Variants in DNAH9 observed in about 807,000 individuals in gnomAD.
The protein encoded by DNAH9 is dynein axonemal heavy chain 9, also known as DNAH9 variant protein.
In DNAH9, 345 loss-of-function variants were observed where a neutral mutation model predicts 471.6. The ratio of observed to expected loss-of-function variants is 0.73; its 90% CI spans 0.67 to 0.80. DNAH9 has a LOEUF of 0.80. DNAH9 is among the 30% of genes least tolerant of loss of function. The pLI is 0.00. For synonymous variants in DNAH9, 2,093 were observed against 2,123.6 expected (o/e 0.99, Z 0.40); for missense variants, 5,407 against 5,609.2 (o/e 0.96, Z 1.15).
At chr17:11,935,816 A>C (rs1974693802) in intron 65 of DNAH9, among the ~76,000 whole-genome samples, 1 of 152,136 alleles carries the variant, frequency 6.6e-6, no homozygotes, top group African/African-American at 2.4e-5. Flanking sequence ...CATTAAACTT[A>C]AGGGTAAATC....
In DNAH9 at chr17:11,769,542, A is replaced by G. The variant is rs1010745177; in HGVS notation, c.7552+213A>G. On this transcript the variant is annotated intron_variant, in intron 38 of 68. Transcript: ENST00000262442. The stretch of plus-strand genomic sequence containing the variant: ...AGCACTGCTTCTGGTCTTTCTTTCT[A>G]CATTCCTCCCTGGTCTGTTAAATTC... Among the ~76,000 whole-genome samples, 10 of 152,140 alleles carry G rather than the reference A, an allele frequency of 6.6e-5. No individual in the cohort carries two copies. The South Asian group carries it at 2.1e-3, about 32-fold the overall frequency.
intron 61 of DNAH9, among the ~76,000 whole-genome samples, chr17:11,913,718 C>G (rs946540031): frequency 1.3e-4 from 19 of 150,752 alleles, no homozygotes; most frequent in Non-Finnish European, 2.7e-4. Context: ...GGAGGTGGAG[C>G]TTGCAGTGAG....
intron 24 of DNAH9, 49 bp downstream of exon 24, chr17:11,701,296 T>C: frequency 1.3e-6 from 2 of 1,593,674 alleles, no homozygotes; most frequent in Non-Finnish European, 1.7e-6. Flanking sequence ...GCTGTCTTCC[T>C]CCGCAGCCTC....
intron 48 of DNAH9, among the ~76,000 whole-genome samples, chr17:11,833,500 T>TGGAA (rs1970739757): frequency 6.6e-6 from 1 of 152,158 alleles, no homozygotes; most frequent in Non-Finnish European, 1.5e-5. Flanking sequence ...GCGGGCTCAC[T>TGGAA]GGAAGTCTGA....
intron 67 of DNAH9, 24 bp downstream of exon 67, chr17:11,942,509 G>T (rs369169514): frequency 6.2e-7 from 1 of 1,604,230 alleles, no homozygotes; most frequent in Non-Finnish European, 8.5e-7. Context: ...TGTAAGGCAT[G>T]GAGGGGACAT....
intron 17 of DNAH9, among the ~76,000 whole-genome samples, chr17:11,679,157 T>C (rs1301713621): frequency 6.6e-6 from 1 of 152,198 alleles, no homozygotes; most frequent in Non-Finnish European, 1.5e-5. Flanking sequence ...CTTAAGACAG[T>C]TTTTGATTTG....
At chr17:11,889,751 G>T (rs1051199724) in intron 57 of DNAH9, among the ~76,000 whole-genome samples, 1 of 152,214 alleles carries the variant, frequency 6.6e-6, no homozygotes, top group Admixed American at 6.5e-5. Flanking sequence ...CACTATATGT[G>T]CTCATAACCT....
At chr17:11,949,353 T>C (rs1005074072) in intron 67 of DNAH9, among the ~76,000 whole-genome samples, 8 of 152,326 alleles carry the variant, frequency 5.3e-5, no homozygotes, top group Non-Finnish European at 1.2e-4. Context: ...AAGTTTTCTC[T>C]TTGTTGACTC....
intron 57 of DNAH9, 53 bp downstream of exon 57, chr17:11,887,018 G>A (rs75139535): frequency 6.4e-7 from 1 of 1,557,628 alleles, no homozygotes; most frequent in East Asian, 2.3e-5. Flanking sequence ...GTGTAATATT[G>A]CCAATGCAGC....
intron 17 of DNAH9, among the ~76,000 whole-genome samples, chr17:11,673,320 G>T (rs578091079): frequency 8.5e-4 from 130 of 152,254 alleles, no homozygotes; most frequent in African/African-American, 2.8e-3. Flanking sequence ...TTTGAAGCTG[G>T]ATATTCAACC....
At chr17:11,856,543 CAAA>C (rs34782323) in intron 50 of DNAH9, among the ~76,000 whole-genome samples, 3 of 137,062 alleles carry the variant, frequency 2.2e-5, no homozygotes, top group African/African-American at 8.4e-5. Context: ...ACTAAAAATA[CAAA>C]AAAAAAAAAA....
intron 49 of DNAH9, among the ~76,000 whole-genome samples, chr17:11,848,629 C>A (rs1971304125): frequency 6.6e-6 from 1 of 152,004 alleles, no homozygotes; most frequent in African/African-American, 2.4e-5. Flanking sequence ...TACCCTTTGA[C>A]CCGGCAAATC....
At chr17:11,668,056 A>G (rs2073905224) in intron 15 of DNAH9, among the ~76,000 whole-genome samples, 1 of 152,214 alleles carries the variant, frequency 6.6e-6, no homozygotes, top group Admixed American at 6.5e-5. Flanking sequence ...TTAACCATAT[A>G]TCTTGTACCT....
chr17:11,805,944 C>T (rs1357913279), intron 43 of DNAH9, among the ~76,000 whole-genome samples: 4 of 152,108 alleles, frequency 2.6e-5, no homozygotes, highest in Non-Finnish European at 5.9e-5. Flanking sequence ...GTTTCCCAGG[C>T]TCGTCTCAAA....
intron 51 of DNAH9, among the ~76,000 whole-genome samples, chr17:11,869,865 C>T (rs565463166): frequency 6.6e-6 from 1 of 152,214 alleles, no homozygotes; most frequent in African/African-American, 2.4e-5. Flanking sequence ...TTGTTGAGGG[C>T]AGGGCTCAGC....
intron 57 of DNAH9, among the ~76,000 whole-genome samples, chr17:11,891,435 G>A (rs953191260): frequency 3.3e-5 from 5 of 151,994 alleles, no homozygotes; most frequent in East Asian, 1.9e-4. Flanking sequence ...GCACCATCTC[G>A]GCTCACTGCA....
Position 11,913,158 on chromosome 17 carries a change from ACT to A in DNAH9, c.11749+7352_11749+7353del, listed in dbSNP as rs560286619. 5.0e-3 allele frequency among the ~76,000 whole-genome samples: 754 copies of A among 152,222 alleles called. 1 individual carries two copies. The highest frequency in any genetic ancestry group is 8.7e-3 in the Non-Finnish European group (594 of 68,000). On this transcript the variant is annotated intron_variant, in intron 61 of 68. Coordinates refer to ENST00000262442, the MANE Select transcript of DNAH9 (RefSeq NM_001372.4). Reference sequence around the variant, plus strand: ...ACTCCAGCCTGGGTGACAAAGCGAGACTCTGTCTCAAAAACTAAAAAAGATTT... The same window carrying A: ...ACTCCAGCCTGGGTGACAAAGCGAGACTGTCTCAAAAACTAAAAAAGATTT...
At chr17:11,680,444 A>C (rs1258192092) in intron 18 of DNAH9, among the ~76,000 whole-genome samples, 1 of 152,228 alleles carries the variant, frequency 6.6e-6, no homozygotes, top group Non-Finnish European at 1.5e-5. Context: ...TCTCTTTAGC[A>C]TTCCAAGTTT....
At chr17:11,839,519 A>AC (rs1198184988) in intron 49 of DNAH9, among the ~76,000 whole-genome samples, 2 of 151,702 alleles carry the variant, frequency 1.3e-5, no homozygotes, top group Non-Finnish European at 2.9e-5. Flanking sequence ...CTGTCTCAAA[A>AC]AAAAAAAAAA....
Sources: gnomAD v4.1 joint callset for allele counts (sites outside exome capture counted in the v4.1 genomes callset) on GRCh38, gnomAD v4.1.1 for gene constraint, MANE v1.5 for transcripts, NCBI Gene and HGNC (gene_info 2026-07-23, HGNC 2026-07-21) for gene names.